TENM4: variants seen among roughly 807,000 people sequenced by gnomAD.
TENM4 encodes teneurin-4.
Under a neutral mutation model 243.3 loss-of-function variants are expected in TENM4, and 82 were observed. That is an observed-to-expected ratio of 0.34 (90% CI 0.28 to 0.40). The LOEUF is 0.40. Among genes scored for constraint, TENM4 ranks in the 10% least tolerant of loss-of-function variants. The pLI, the probability that TENM4 is intolerant of heterozygous loss-of-function variation, is 1.00. For missense variants in TENM4, 3,138 were observed against 3,673.3 expected, an observed-to-expected ratio of 0.85 and a Z score of 3.77; for synonymous variants, 1,412 against 1,456.3, an observed-to-expected ratio of 0.97 and a Z score of 0.69.
Position 78,903,443 on chromosome 11 carries a change from G to A in TENM4, c.574C>T (p.His192Tyr). 1 of 1,548,288 alleles carries A rather than the reference G, an allele frequency of 6.5e-7. No individual in the cohort carries two copies. The highest frequency in any genetic ancestry group is 8.7e-7 in the Non-Finnish European group (1 of 1,145,506). Reference protein sequence around the residue: ...PLSHAHTPNQHHAASINSLNR... With the variant: ...PLSHAHTPNQYHAASINSLNR... ...AGGGAGTTAATGGAGGCCGCGTGGTGCTGGTTGGGGGTGTGGGCGTGCGAG... is the reference window on the plus strand; with the variant it reads ...AGGGAGTTAATGGAGGCCGCGTGGTACTGGTTGGGGGTGTGGGCGTGCGAG... The change falls in exon 7 of 34, where the codon CAC (histidine) becomes TAC (tyrosine). Residue 192 changes from histidine (H) to tyrosine (Y), a missense_variant. This residue lies in a region of TENM4 where 671 missense variants were observed against 614.1 expected (regional missense o/e 1.09). Coordinates refer to ENST00000278550, the MANE Select transcript of TENM4 (RefSeq NM_001098816.3).
intron 1 of TENM4, among the ~76,000 whole-genome samples, chr11:79,331,366 T>C (rs1341404102): frequency 6.6e-6 from 1 of 152,168 alleles, no homozygotes; most frequent in East Asian, 1.9e-4. Flanking sequence ...CCTCAGCTAA[T>C]GGCTCATATA....
intron 12 of TENM4, among the ~76,000 whole-genome samples, chr11:78,845,515 C>T (rs1858370392): frequency 6.6e-6 from 1 of 152,198 alleles, no homozygotes; most frequent in South Asian, 2.1e-4. Context: ...CAACTGTACT[C>T]CTGCCTCCAA....
rs938540595 is a variant in TENM4 at position 79,274,718 on chromosome 11, C to T, written c.-265+22770G>A. ...TGTTATAAATTGGGGGGGAAAAAGG[C>T]TTAAACATGTAACAGTGGAAGCCTG... On this transcript the variant is annotated intron_variant, in intron 2 of 33. Coordinates refer to ENST00000278550, the MANE Select transcript of TENM4 (RefSeq NM_001098816.3). Among the ~76,000 whole-genome samples the T allele has an allele frequency of 5.9e-5, 9 of 152,126 alleles. 1 individual carries two copies. Among genetic ancestry groups the T allele is most frequent in the Admixed American group, 5.2e-4 (8 of 15,270 alleles).
chr11:78,722,742 G>A lies in TENM4; in HGVS notation c.3726C>T (p.Ser1242=), dbSNP rs980892196. Reference sequence around the variant, plus strand: ...TGTAGTTGAAATCACCCACATAGAGGCTCCCGTCAGAGCCACAGGTGAGGG... The same window carrying A: ...TGTAGTTGAAATCACCCACATAGAGACTCCCGTCAGAGCCACAGGTGAGGG... ...PVALTCGSDG[S]LYVGDFNYIR... The change falls in exon 24 of 34, where the codon AGC becomes AGT. Residue 1242 remains serine (S), a synonymous_variant. Transcript: ENST00000278550. 8.1e-6 allele frequency: 13 copies of A among 1,614,042 alleles called. No individual in the cohort carries two copies. The highest frequency in any genetic ancestry group is 1.0e-5 in the Non-Finnish European group (12 of 1,179,892).
intron 2 of TENM4, among the ~76,000 whole-genome samples, chr11:79,265,244 C>A (rs1301220553): frequency 6.6e-6 from 1 of 152,144 alleles, no homozygotes; most frequent in Non-Finnish European, 1.5e-5. Context: ...AAGCCCTAGG[C>A]ACATGAATGA....
At chr11:79,236,288 C>A (rs141726389) in intron 2 of TENM4, among the ~76,000 whole-genome samples, 2 of 152,302 alleles carry the variant, frequency 1.3e-5, no homozygotes, top group East Asian at 3.9e-4. Context: ...CCTTCGGATG[C>A]CTGTTTGAGA....
At chr11:78,996,775 C>T (rs970560055) in intron 6 of TENM4, among the ~76,000 whole-genome samples, 1 of 152,158 alleles carries the variant, frequency 6.6e-6, no homozygotes, top group Non-Finnish European at 1.5e-5. Flanking sequence ...GTTTATGGTA[C>T]ACTGTAGACA....
chr11:79,397,189 G>A (rs1354197004), intron 1 of TENM4, among the ~76,000 whole-genome samples: 2 of 152,190 alleles, frequency 1.3e-5, no homozygotes, highest in Non-Finnish European at 2.9e-5. Context: ...TCATGGCTGA[G>A]GACAGAAAAT....
At chr11:78,959,275 G>A (rs1170404449) in intron 6 of TENM4, among the ~76,000 whole-genome samples, 1 of 152,078 alleles carries the variant, frequency 6.6e-6, no homozygotes, top group Non-Finnish European at 1.5e-5. Flanking sequence ...TTATTTGAAT[G>A]TTAACAAGCA....
chr11:79,038,403 T>C (rs1352729188), intron 6 of TENM4, among the ~76,000 whole-genome samples: 1 of 152,202 alleles, frequency 6.6e-6, no homozygotes, highest in African/African-American at 2.4e-5. Context: ...AATGCCATCT[T>C]TAACTGTCTG....
chr11:79,020,480 G>T (rs1191792409), intron 6 of TENM4, among the ~76,000 whole-genome samples: 3 of 152,164 alleles, frequency 2.0e-5, no homozygotes, highest in Admixed American at 6.5e-5. Context: ...CATTGGAGCT[G>T]TATTCTCTAT....
intron 1 of TENM4, among the ~76,000 whole-genome samples, chr11:79,352,957 G>A (rs1857439499): frequency 6.6e-6 from 1 of 152,108 alleles, no homozygotes; most frequent in Non-Finnish European, 1.5e-5. Context: ...CAGAGACAGG[G>A]ACAGAAAAAT....
chr11:79,234,138 C>A (rs541859374), intron 2 of TENM4, among the ~76,000 whole-genome samples: 52 of 152,314 alleles, frequency 3.4e-4, no homozygotes, highest in Non-Finnish European at 4.0e-4. Context: ...AGCAATAAAA[C>A]CCACTTTGTA....
intron 11 of TENM4, among the ~76,000 whole-genome samples, chr11:78,855,418 T>C (rs999389973): frequency 6.6e-5 from 10 of 152,186 alleles, no homozygotes; most frequent in African/African-American, 2.4e-4. Context: ...TGTGCATGTG[T>C]TTGAGTCAAT....
In TENM4 at chr11:78,669,747, C is replaced by T. The variant is rs770034158; in HGVS notation, c.6598G>A (p.Gly2200Ser). The T allele has an allele frequency of 1.9e-5, 31 of 1,613,828 alleles. No homozygotes were observed. The highest frequency in any genetic ancestry group is 5.5e-5 in the South Asian group (5 of 91,086). ...TTGATGGAGACTGTCTGCAGCTGGC[C>T]GTCAGCATCATACTCATAGGAGTAG... ...TRYSYEYDAD[G>S]QLQTVSINDK... The change falls in exon 32 of 34, where the codon GGC (glycine) becomes AGC (serine). Residue 2200 changes from glycine (G) to serine (S), a missense_variant. Physicochemically the swap from Gly to Ser is moderately conservative, Grantham distance 56. Transcript: ENST00000278550. This position sits in a 1 kb window ranked among gnomAD's most constrained non-coding sequence, Gnocchi z 6.4.
At chr11:79,329,975 G>A (rs1433785225) in intron 1 of TENM4, among the ~76,000 whole-genome samples, 2 of 152,214 alleles carry the variant, frequency 1.3e-5, no homozygotes, top group Non-Finnish European at 1.5e-5. Context: ...CTGAGAAGAG[G>A]GGAAAGTGGC....
chr11:78,974,976 C>T (rs1163636032), intron 6 of TENM4, among the ~76,000 whole-genome samples: 6 of 151,902 alleles, frequency 3.9e-5, no homozygotes, highest in Non-Finnish European at 5.9e-5. Context: ...TGAGCAACCA[C>T]GCCTGGCCTG....
intron 2 of TENM4, among the ~76,000 whole-genome samples, chr11:79,217,144 G>T (rs1393600801): frequency 6.6e-6 from 1 of 152,056 alleles, no homozygotes; most frequent in East Asian, 1.9e-4. Flanking sequence ...ACAAAATAAA[G>T]GTTTTTCCAA....
chr11:78,701,738 A>G lies in TENM4; in HGVS notation c.4875T>C (p.Asn1625=). 6 of 1,613,924 alleles carry G rather than the reference A, an allele frequency of 3.7e-6. No individual in the cohort carries two copies. The highest frequency in any genetic ancestry group is 1.7e-5 in the Admixed American group (1 of 60,016). The change falls in exon 28 of 34, where the codon AAT becomes AAC. Residue 1625 remains asparagine, a synonymous_variant. Transcript: ENST00000278550. ...DGDITLITDN[N]GNMVNVRRDS... ...CTCGGCGGACATTTACCATGTTGCC[A>G]TTGTTGTCTGTGATGAGTGTGATGT...
Sources: gnomAD v4.1 joint callset for allele counts (sites outside exome capture counted in the v4.1 genomes callset) on GRCh38, gnomAD v4.1.1 for gene constraint, gnomAD v4.1.1 regional missense constraint, Gnocchi (gnomAD v3.1) non-coding constraint, MANE v1.5 for transcripts, NCBI Gene and HGNC (gene_info 2026-07-23, HGNC 2026-07-21) for gene names.